BCO2: variants seen among roughly 807,000 people sequenced by gnomAD.
The protein encoded by BCO2 is carotenoid-cleaving dioxygenase, mitochondrial.
Under a neutral mutation model 65.8 loss-of-function variants are expected in BCO2, and 56 were observed. The ratio of observed to expected loss-of-function variants is 0.85; its 90% confidence interval spans 0.69 to 1.06. BCO2 has a LOEUF of 1.06. BCO2 is among the 50% of genes least tolerant of loss of function. The pLI is 0.00. For missense variants in BCO2, 675 were observed against 698.5 expected, an observed-to-expected ratio of 0.97 and a Z score of 0.38; for synonymous variants, 233 against 242.3, an observed-to-expected ratio of 0.96 and a Z score of 0.36.
At chr11:112,194,809 T>G in intron 5 of BCO2, 54 bp downstream of exon 5, 11 of 1,260,684 alleles carry the variant, frequency 8.7e-6, no homozygotes, top group Non-Finnish European at 1.0e-5. Flanking sequence ...GCACGGTGTG[T>G]ATATAAAGAT....
intron 11 of BCO2, 70 bp downstream of exon 11, chr11:112,216,400 A>G: frequency 9.0e-7 from 1 of 1,106,028 alleles, no homozygotes; most frequent in Non-Finnish European, 1.4e-6. Flanking sequence ...TCAAGGATGC[A>G]CACTCATCTG....
At chr11:112,180,406 T>C (rs1172392443) in intron 2 of BCO2, among the ~76,000 whole-genome samples, 2 of 152,184 alleles carry the variant, frequency 1.3e-5, no homozygotes, top group Admixed American at 1.3e-4. Flanking sequence ...TATTTGTTAT[T>C]TGAGTGTTAA....
chr11:112,200,279 A>G (rs1867692517), intron 6 of BCO2: 1 of 198,098 alleles, frequency 5.0e-6, no homozygotes, highest in Non-Finnish European at 1.0e-5. Flanking sequence ...AAAGGATTAA[A>G]GGATACATGT....
chr11:112,202,622 T>TGA (rs1048028882), intron 8 of BCO2, among the ~76,000 whole-genome samples: 1 of 152,020 alleles, frequency 6.6e-6, no homozygotes, highest in African/African-American at 2.4e-5. Context: ...TGGCAAATAA[T>TGA]GAGAGAGAGT....
rs780599024 is a variant in BCO2 at position 112,175,611 on chromosome 11, C to T, written c.10C>T (p.Arg4Ter). The T allele has an allele frequency of 1.1e-5, 17 of 1,613,146 alleles. 2 individuals carry two copies. In the Middle Eastern group the frequency reaches 4.9e-4, roughly 47 times the overall value. ...TCTGCTCAATACAAAAATGTTTTTTCGAGTCTTTCTCCATTTTATCAGGAG... is the reference window on the plus strand; with the variant it reads ...TCTGCTCAATACAAAAATGTTTTTTTGAGTCTTTCTCCATTTTATCAGGAG... MFF[R>*]VFLHFIRSHS... is the part of the protein sequence containing the mutation. The change falls in exon 1 of 12, where the codon CGA becomes TGA. Residue 4 changes from arginine to a stop codon, truncating the protein, a stop_gained. Coordinates refer to ENST00000357685, the MANE Select transcript of BCO2 (RefSeq NM_031938.7). LOFTEE classifies it high-confidence loss of function.
At chr11:112,183,273 T>TAGA in intron 2 of BCO2, 3 of 703,410 alleles carry the variant, frequency 4.3e-6, no homozygotes, top group Non-Finnish European at 7.8e-6. Flanking sequence ...CTCAGTTGTC[T>TAGA]AGAAGAAATA....
intron 1 of BCO2, among the ~76,000 whole-genome samples, chr11:112,177,854 C>CT (rs1449830485): frequency 1.3e-5 from 2 of 150,930 alleles, no homozygotes; most frequent in African/African-American, 4.9e-5. Flanking sequence ...TGTGCTGCCT[C>CT]TTAAGGGAAG....
chr11:112,210,756 GCACACACACACACA>G (rs34029146), intron 8 of BCO2, among the ~76,000 whole-genome samples: 21 of 148,176 alleles, frequency 1.4e-4, no homozygotes, highest in Admixed American at 1.0e-3. Context: ...CTAAATACAC[GCACACACACACACA>G]CACACACACA....
chr11:112,204,524 AC>A (rs1240065427), intron 8 of BCO2, among the ~76,000 whole-genome samples: 1 of 152,054 alleles, frequency 6.6e-6, no homozygotes, highest in Non-Finnish European at 1.5e-5. Context: ...CTACCTCTCC[AC>A]CCCTGAGATA....
At position 112,179,569 on chromosome 11, in the gene BCO2, G is replaced by C. The variant is rs1019718014; in HGVS notation, c.293+87G>C. 1.4e-5 allele frequency: 17 copies of C among 1,188,120 alleles called. No homozygotes were observed. In the Admixed American group the frequency reaches 1.6e-4, roughly 11 times the overall value. 73.6% of individuals were successfully genotyped at this position (1,188,120 alleles called of 1,614,324 possible). On this transcript the variant is annotated intron_variant, in intron 2 of 11. Coordinates refer to ENST00000357685, the MANE Select transcript of BCO2 (RefSeq NM_031938.7). ...GCATTAATATCTGCTTCCTCTGTGA[G>C]GTTAATATTTCCATTCCATCCCTTT...
chr11:112,188,317 C>G (rs932208296), intron 2 of BCO2, among the ~76,000 whole-genome samples: 5 of 152,180 alleles, frequency 3.3e-5, no homozygotes, highest in African/African-American at 9.7e-5. Flanking sequence ...TGGAGTTTGT[C>G]CTTTGCTCAC....
chr11:112,191,311 G>A (rs1047317944), intron 2 of BCO2, among the ~76,000 whole-genome samples: 2 of 152,016 alleles, frequency 1.3e-5, no homozygotes, highest in Non-Finnish European at 2.9e-5. Context: ...AAGGTCATAG[G>A]ATGTAAAATT....
chr11:112,205,940 TTTTA>T (rs1223667867), intron 8 of BCO2, among the ~76,000 whole-genome samples: 1 of 151,962 alleles, frequency 6.6e-6, no homozygotes, highest in Admixed American at 6.5e-5. Context: ...ATTGCCCATT[TTTTA>T]TTTATTTTTA....
At chr11:112,197,581 C>T (rs904325494) in intron 5 of BCO2, among the ~76,000 whole-genome samples, 2 of 151,948 alleles carry the variant, frequency 1.3e-5, no homozygotes, top group African/African-American at 4.8e-5. Context: ...TTCAGCAATG[C>T]CTTCAAAATA....
At chr11:112,217,675 A>C (rs1859721568) in intron 11 of BCO2, 86 bp from the exon 12 acceptor site, 1 of 898,988 alleles carries the variant, frequency 1.1e-6, no homozygotes, top group Admixed American at 2.1e-5. Flanking sequence ...TGGTCTCTCC[A>C]TTAGGAATTT....
At chr11:112,181,738 A>G (rs1455336886) in intron 2 of BCO2, 2 of 901,960 alleles carry the variant, frequency 2.2e-6, no homozygotes, top group Non-Finnish European at 3.7e-6. Flanking sequence ...CTGTGATGCC[A>G]GGGTTTGAAC....
intron 6 of BCO2, among the ~76,000 whole-genome samples, chr11:112,200,047 TAA>T (rs2135379235): frequency 1.3e-5 from 2 of 152,264 alleles, no homozygotes; most frequent in African/African-American, 4.8e-5. Context: ...TGCTTTAGTA[TAA>T]GCAATTACTA....
At chr11:112,186,176 C>T (rs1867195410) in intron 2 of BCO2, among the ~76,000 whole-genome samples, 1 of 152,206 alleles carries the variant, frequency 6.6e-6, no homozygotes, top group Non-Finnish European at 1.5e-5. Flanking sequence ...TAAACAGCCT[C>T]TTACAGAGGG....
intron 2 of BCO2, among the ~76,000 whole-genome samples, chr11:112,191,615 A>G (rs908086861): frequency 6.6e-6 from 1 of 152,174 alleles, no homozygotes; most frequent in Admixed American, 6.5e-5. Flanking sequence ...AAGTTGGACC[A>G]ATTGATACTA....
Sources: gnomAD v4.1 joint callset for allele counts (sites outside exome capture counted in the v4.1 genomes callset) on GRCh38, gnomAD v4.1.1 for gene constraint, MANE v1.5 for transcripts, NCBI Gene and HGNC (gene_info 2026-07-23, HGNC 2026-07-21) for gene names.